ITGAV: variants seen among roughly 807,000 people sequenced by gnomAD.
ITGAV encodes the protein integrin subunit alpha V.
In ITGAV, 76 loss-of-function variants were observed where a neutral mutation model predicts 143.8. The ratio of observed to expected loss-of-function variants is 0.53; its 90% CI spans 0.44 to 0.64. The LOEUF (loss-of-function observed/expected upper bound fraction) is 0.64. Ranked by LOEUF, ITGAV falls within the 30% of genes least tolerant of loss-of-function variation. ITGAV has a pLI of 0.00. For synonymous variants in ITGAV, 453 were observed against 446.7 expected, an observed-to-expected ratio of 1.01 and a Z score of -0.18; for missense variants, 1,193 against 1,274.7, an observed-to-expected ratio of 0.94 and a Z score of 0.98.
intron 1 of ITGAV, among the ~76,000 whole-genome samples, chr2:186,601,266 G>T (rs1394481641): frequency 1.3e-5 from 2 of 151,538 alleles, no homozygotes; most frequent in Non-Finnish European, 2.9e-5. Flanking sequence ...ATTAAGCCTA[G>T]GCAATGTGGC....
At chr2:186,594,370 A>G (rs1160174711) in intron 1 of ITGAV, among the ~76,000 whole-genome samples, 6 of 152,076 alleles carry the variant, frequency 3.9e-5, no homozygotes, top group Admixed American at 3.9e-4. Context: ...TGTTTCTCCT[A>G]CTTCACCACC....
At chr2:186,635,841 G>C (rs1687932373) in intron 6 of ITGAV, among the ~76,000 whole-genome samples, 3 of 152,124 alleles carry the variant, frequency 2.0e-5, no homozygotes, top group Admixed American at 1.3e-4. Context: ...TTTAAGACAA[G>C]TCCTGTTTTC....
intron 2 of ITGAV, among the ~76,000 whole-genome samples, chr2:186,617,557 A>G (rs1368196726): frequency 6.6e-6 from 1 of 152,088 alleles, no homozygotes; most frequent in Non-Finnish European, 1.5e-5. Flanking sequence ...CTTGCTTATT[A>G]ACTTCAAGTT....
At chr2:186,597,209 G>A (rs1159805112) in intron 1 of ITGAV, among the ~76,000 whole-genome samples, 1 of 152,164 alleles carries the variant, frequency 6.6e-6, no homozygotes, top group African/African-American at 2.4e-5. Context: ...CTCCTACTGG[G>A]CTCTTTTTCT....
chr2:186,631,670 A>C (rs1029122540), intron 5 of ITGAV, among the ~76,000 whole-genome samples: 7 of 152,188 alleles, frequency 4.6e-5, no homozygotes, highest in Non-Finnish European at 5.9e-5. Context: ...GAGTGCCTTA[A>C]ATGTATGAAA....
chr2:186,600,648 G>A (rs1331528457), intron 1 of ITGAV, among the ~76,000 whole-genome samples: 3 of 146,354 alleles, frequency 2.0e-5, no homozygotes, highest in Non-Finnish European at 4.5e-5. Context: ...GGGAATGTAA[G>A]CTAAATTCCT....
intron 10 of ITGAV, 97 bp downstream of exon 10, chr2:186,638,562 A>C (rs1688013408): frequency 2.4e-6 from 2 of 823,984 alleles, no homozygotes. Flanking sequence ...ATGAACTATA[A>C]TCTCATCAAA....
intron 18 of ITGAV, among the ~76,000 whole-genome samples, chr2:186,659,475 G>A (rs1475361322): frequency 6.6e-6 from 1 of 151,670 alleles, no homozygotes; most frequent in Admixed American, 6.6e-5. Context: ...TGTTTACATA[G>A]TATTTTAGTA....
intron 24 of ITGAV, among the ~76,000 whole-genome samples, chr2:186,668,218 T>TATA (rs1688967896): frequency 2.9e-4 from 6 of 20,688 alleles, no homozygotes; most frequent in African/African-American, 7.0e-4. Flanking sequence ...ATATATATAT[T>TATA]TTTTTTTTTT....
intron 12 of ITGAV, among the ~76,000 whole-genome samples, chr2:186,646,099 A>G (rs1365073665): frequency 6.6e-6 from 1 of 152,208 alleles, no homozygotes; most frequent in Non-Finnish European, 1.5e-5. Context: ...AGAGGTAGAA[A>G]AGATAATTTG....
At chr2:186,665,317 C>A (rs1388817575) in intron 21 of ITGAV, 99 bp downstream of exon 21, 2 of 755,364 alleles carry the variant, frequency 2.6e-6, no homozygotes, top group Non-Finnish European at 4.5e-6. Context: ...CACTTCAAAA[C>A]AATGTCCTTA....
rs202049054 is a variant in ITGAV at position 186,663,779 on chromosome 2, A to C, written c.1869A>C (p.Leu623=). ...ATGTTTTTTTCTAGGCTCACATTCT[A>C]CTTGACTGTGGTGAAGACAATGTCT... ...PANISRQAHI[L]LDCGEDNVCK... is the part of the protein sequence containing the mutation. Residue 623 remains leucine (L), a synonymous_variant, in exon 19 of 30, where the codon CTA becomes CTC. Coordinates refer to ENST00000261023, the MANE Select transcript of ITGAV (RefSeq NM_002210.5). 1.1e-5 allele frequency: 18 copies of C among 1,612,060 alleles called. No homozygotes were observed. The highest frequency in any genetic ancestry group is 1.3e-5 in the Non-Finnish European group (15 of 1,178,536).
At chr2:186,631,245 T>A (rs1430763945) in intron 5 of ITGAV, among the ~76,000 whole-genome samples, 1 of 152,178 alleles carries the variant, frequency 6.6e-6, no homozygotes, top group Non-Finnish European at 1.5e-5. Context: ...ATTACAAAAT[T>A]AGAGTTACAT....
intron 15 of ITGAV, among the ~76,000 whole-genome samples, chr2:186,653,906 T>C (rs961386432): frequency 6.6e-6 from 1 of 152,240 alleles, no homozygotes; most frequent in Non-Finnish European, 1.5e-5. Context: ...TAAAAAATTT[T>C]TCTTAAGATG....
In ITGAV at chr2:186,622,200, T is replaced by C. The variant is rs889299305; in HGVS notation, c.317-139T>C. On this transcript the variant is annotated intron_variant, in intron 2 of 29. Coordinates refer to ENST00000261023, the MANE Select transcript of ITGAV (RefSeq NM_002210.5). ...TTGAAAGTCTCTAATGTATATAAACTGTATATGAGAAAAATAACCAGTGGA... is the reference window on the plus strand; with the variant it reads ...TTGAAAGTCTCTAATGTATATAAACCGTATATGAGAAAAATAACCAGTGGA... 6.8e-5 allele frequency: 42 copies of C among 614,352 alleles called. No individual in the cohort carries two copies. The African/African-American group carries it at 7.0e-4, about 10-fold the overall frequency. The allele number at this position is 614,352 out of a possible 1,614,324, so 38.1% of individuals were successfully genotyped here.
chr2:186,668,264 C>T (rs1289913436), intron 24 of ITGAV, among the ~76,000 whole-genome samples: 5 of 92,444 alleles, frequency 5.4e-5, no homozygotes, highest in Non-Finnish European at 8.0e-5. Flanking sequence ...CTTGCTCTGT[C>T]GCCCAGGCTG....
chr2:186,653,184 A>T (rs1688489115), intron 15 of ITGAV, among the ~76,000 whole-genome samples: 1 of 151,928 alleles, frequency 6.6e-6, no homozygotes, highest in Non-Finnish European at 1.5e-5. Context: ...TGACCTCATG[A>T]TCCACCCGCC....
At chr2:186,625,329 G>A (rs535199129) in intron 3 of ITGAV, 144 bp from the exon 4 acceptor site, 40 of 608,386 alleles carry the variant, frequency 6.6e-5, no homozygotes, top group South Asian at 4.8e-4. Context: ...CCATGATCAC[G>A]TCACTGCACT....
Position 186,665,158 on chromosome 2 carries a change from A to G in ITGAV, c.2106A>G (p.Thr702=). The G allele has an allele frequency of 6.2e-7, 1 of 1,611,632 alleles. No individual in the cohort carries two copies. The highest frequency in any genetic ancestry group is 8.5e-7 in the Non-Finnish European group (1 of 1,179,432). The change falls in exon 21 of 30, where the codon ACA becomes ACG. Residue 702 remains threonine (T), a synonymous_variant. Coordinates refer to ENST00000261023, the MANE Select transcript of ITGAV (RefSeq NM_002210.5). The stretch of plus-strand genomic sequence containing the variant: ...CAAGACTTTCCTGTGCATTTAAGAC[A>G]GAAAACCAAACTCGCCAGGTGGTAT... ...ALARLSCAFK[T]ENQTRQVVCD...
Sources: allele counts gnomAD v4.1 joint callset (sites outside exome capture counted in the v4.1 genomes callset), GRCh38; gene constraint gnomAD v4.1.1; transcripts MANE v1.5; gene names NCBI Gene and HGNC (gene_info 2026-07-23, HGNC 2026-07-21).